Variants in TLCD4 observed in about 807,000 individuals in gnomAD.
The protein encoded by TLCD4 is TLC domain-containing protein 4.
Under a neutral mutation model 24.2 loss-of-function variants are expected in TLCD4, and 7 were observed. The ratio of observed to expected loss-of-function variants is 0.29; its 90% CI spans 0.16 to 0.54. The LOEUF is 0.54. Among genes scored for constraint, TLCD4 ranks in the 20% least tolerant of loss-of-function variants. The pLI is 0.95. For missense variants in TLCD4, 259 were observed against 313.9 expected (o/e 0.82, Z 1.32); for synonymous variants, 103 against 106.4 (o/e 0.97, Z 0.20).
At chr1:95,173,639 G>T (rs17113130) in intron 5 of TLCD4, among the ~76,000 whole-genome samples, 177 bp from the exon 6 acceptor site, 49,902 of 152,050 alleles carry the variant, frequency 0.33, 9,910 homozygotes, top group East Asian at 0.62. Flanking sequence ...GAATTCCAAG[G>T]ATCTTTCTAT....
intron 1 of TLCD4, among the ~76,000 whole-genome samples, chr1:95,142,258 G>A (rs920899374): frequency 1.4e-5 from 2 of 141,346 alleles, no homozygotes; most frequent in African/African-American, 5.3e-5. Flanking sequence ...CTGCTAACTC[G>A]ATTGTTAAGA....
In TLCD4 at chr1:95,196,531, T is replaced by C. The variant is rs1004651600; in HGVS notation, c.*4663T>C. The C allele has an allele frequency of 6.6e-6, 1 of 152,218 alleles. No homozygotes were observed. The highest frequency in any genetic ancestry group is 1.9e-4 in the East Asian group (1 of 5,200). The allele number at this position is 152,218 out of a possible 1,614,324, so 9.4% of individuals were successfully genotyped here. On this transcript the variant is annotated 3_prime_UTR_variant, in exon 7 of 7. Transcript: ENST00000370203. Reference sequence around the variant, plus strand: ...TAATTCATACCTTTATTGGAATATATTTTGGATAGCAGTGAAGAATTGAAA... The same window carrying C: ...TAATTCATACCTTTATTGGAATATACTTTGGATAGCAGTGAAGAATTGAAA...
intron 6 of TLCD4, among the ~76,000 whole-genome samples, chr1:95,188,021 C>T (rs1678886140): frequency 6.6e-6 from 1 of 152,062 alleles, no homozygotes; most frequent in Non-Finnish European, 1.5e-5. Flanking sequence ...ACCCTTGTTA[C>T]TTTATTTAAC....
At chr1:95,152,622 G>A (rs375730243) in intron 5 of TLCD4, among the ~76,000 whole-genome samples, 3 of 152,102 alleles carry the variant, frequency 2.0e-5, no homozygotes, top group African/African-American at 7.2e-5. Flanking sequence ...GTTATATAAT[G>A]TCTTGATTGC....
At chr1:95,130,924 A>G (rs1676872229) in intron 1 of TLCD4, among the ~76,000 whole-genome samples, 2 of 152,218 alleles carry the variant, frequency 1.3e-5, no homozygotes, top group Admixed American at 6.5e-5. Context: ...GTATACTTTC[A>G]TGCGGTAATA....
At chr1:95,108,497 G>T in the TLCD4 span, among the ~76,000 whole-genome samples, 2 of 151,806 alleles carry the variant, frequency 1.3e-5, no homozygotes, top group Admixed American at 6.6e-5. Context: ...CTCATTTTTT[G>T]ATTTTTTCTA....
intron 5 of TLCD4, among the ~76,000 whole-genome samples, chr1:95,161,511 G>T (rs916907251): frequency 3.3e-5 from 5 of 152,054 alleles, no homozygotes; most frequent in African/African-American, 9.7e-5. Flanking sequence ...CTTCAGTTCT[G>T]CTCTGATCTT....
upstream of TLCD4, among the ~76,000 whole-genome samples, chr1:95,114,434 A>G (rs866323642): frequency 6.6e-6 from 1 of 152,194 alleles, no homozygotes; most frequent in Non-Finnish European, 1.5e-5. Context: ...TTTAATTATA[A>G]TTTTTAGAAA....
chr1:95,105,780 A>G, the TLCD4 span, among the ~76,000 whole-genome samples: 1 of 151,782 alleles, frequency 6.6e-6, no homozygotes, highest in African/African-American at 2.4e-5. Flanking sequence ...CTGTAGTCCC[A>G]GCTACTCGCG....
Position 95,194,623 on chromosome 1 carries a change from G to GA in TLCD4, c.*2761dup, listed in dbSNP as rs1679136508. 2.0e-5 allele frequency: 3 copies of GA among 151,864 alleles called. No individual in the cohort carries two copies. The highest frequency in any genetic ancestry group is 6.6e-5 in the Admixed American group (1 of 15,244). The allele number at this position is 151,864 out of a possible 1,614,324, so 9.4% of individuals were successfully genotyped here. On this transcript the variant is annotated 3_prime_UTR_variant, in exon 7 of 7. Coordinates refer to ENST00000370203, the MANE Select transcript of TLCD4 (RefSeq NM_152487.3). ...ATTTTTGAGCAATTCTATTTTTGTA[G>GA]AAAAAAGATAACCTGTAATTATAAA... is the stretch of plus-strand genomic sequence containing the variant.
At chr1:95,152,731 A>C (rs1341924804) in intron 5 of TLCD4, among the ~76,000 whole-genome samples, 1 of 152,168 alleles carries the variant, frequency 6.6e-6, no homozygotes, top group East Asian at 1.9e-4. Context: ...ATAGAGAGGT[A>C]CAAATCCTAC....
At chr1:95,145,537 A>G (rs1434701722) in intron 2 of TLCD4, among the ~76,000 whole-genome samples, 1 of 152,206 alleles carries the variant, frequency 6.6e-6, no homozygotes, top group Non-Finnish European at 1.5e-5. Flanking sequence ...TAAGACTAGC[A>G]CAAAAATATT....
At chr1:95,167,631 C>T (rs11579311) in intron 5 of TLCD4, among the ~76,000 whole-genome samples, 51,861 of 152,006 alleles carry the variant, frequency 0.34, 10,980 homozygotes, top group Middle Eastern at 0.54. Context: ...TAAAACCGCT[C>T]GTGGCTTGGA....
intron 1 of TLCD4, among the ~76,000 whole-genome samples, chr1:95,130,947 G>A (rs187589294): frequency 1.9e-4 from 29 of 152,320 alleles, no homozygotes; most frequent in African/African-American, 6.7e-4. Flanking sequence ...ATGGTTGTCA[G>A]TTCAGAAAAT....
intron 6 of TLCD4, among the ~76,000 whole-genome samples, chr1:95,187,114 AC>A (rs1400945833): frequency 2.0e-4 from 30 of 152,164 alleles, no homozygotes; most frequent in African/African-American, 6.8e-4. Context: ...CTTTTTAAAA[AC>A]CTTTTTATCT....
At chr1:95,095,784 T>G in the TLCD4 span, among the ~76,000 whole-genome samples, 1 of 152,228 alleles carries the variant, frequency 6.6e-6, no homozygotes, top group Non-Finnish European at 1.5e-5. Context: ...AAGTAAGGAC[T>G]AAATGATTAA....
intron 5 of TLCD4, among the ~76,000 whole-genome samples, chr1:95,170,330 CT>C (rs10664436): frequency 4.8e-4 from 61 of 126,608 alleles, no homozygotes; most frequent in African/African-American, 8.3e-4. Flanking sequence ...ACAAATCATT[CT>C]TTTTTTTTTT....
intron 5 of TLCD4, among the ~76,000 whole-genome samples, chr1:95,165,699 C>T (rs1677996111): frequency 2.0e-5 from 3 of 152,176 alleles, no homozygotes; most frequent in Admixed American, 2.0e-4. Flanking sequence ...GTCCTGACCT[C>T]AGGTGATCCA....
chr1:95,144,807 C>T (rs1295058679), intron 2 of TLCD4, among the ~76,000 whole-genome samples: 1 of 152,076 alleles, frequency 6.6e-6, no homozygotes, highest in African/African-American at 2.4e-5. Context: ...TCTCCTGCCT[C>T]AGCTTCCTGA....
Sources: allele counts gnomAD v4.1 joint callset (sites outside exome capture counted in the v4.1 genomes callset), GRCh38; gene constraint gnomAD v4.1.1; transcripts MANE v1.5; gene names NCBI Gene and HGNC (gene_info 2026-07-23, HGNC 2026-07-21).